CACNG3: variants seen among roughly 807,000 people sequenced by gnomAD.
CACNG3 encodes the protein calcium voltage-gated channel auxiliary subunit gamma 3.
In CACNG3, 3 loss-of-function variants were observed where a neutral mutation model predicts 28.5. That is an observed-to-expected ratio of 0.11 (90% confidence interval 0.05 to 0.27). The LOEUF (loss-of-function observed/expected upper bound fraction) is 0.27. Among genes scored for constraint, CACNG3 ranks in the 10% least tolerant of loss-of-function variants. The probability of loss-of-function intolerance (pLI) is 1.00; values close to 1 mark genes in which losing one functional copy is unlikely to be tolerated. For synonymous variants in CACNG3, 174 were observed against 162.2 expected (o/e 1.07, Z -0.55); for missense variants, 236 against 414.4 (o/e 0.57, Z 3.74).
rs7186838 is a variant in CACNG3 at position 24,321,409 on chromosome 16, C to G, written c.212-25325C>G. ...TGAGCCGAGATCTCACCACTGCACT[C>G]CCGCCTGGGCAATGGAGTGAGACTC... On this transcript the variant is annotated intron_variant, in intron 1 of 3. Coordinates refer to ENST00000005284, the MANE Select transcript of CACNG3 (RefSeq NM_006539.4). Among the ~76,000 whole-genome samples, 691 of 152,160 alleles carry G rather than the reference C, an allele frequency of 4.5e-3. 1 individual carries two copies. The highest frequency in any genetic ancestry group is 0.016 in the African/African-American group (666 of 41,528).
chr16:24,332,910 A>T (rs1454472727), intron 1 of CACNG3, among the ~76,000 whole-genome samples: 1 of 152,186 alleles, frequency 6.6e-6, no homozygotes, highest in East Asian at 1.9e-4. Context: ...ATAGGAGGCA[A>T]AACGTGATGT....
intron 1 of CACNG3, among the ~76,000 whole-genome samples, chr16:24,309,914 G>A (rs1899237754): frequency 6.6e-6 from 1 of 152,224 alleles, no homozygotes; most frequent in Non-Finnish European, 1.5e-5. Flanking sequence ...AAGGTGTCAT[G>A]CTACATCGCG....
At chr16:24,308,839 C>CAAAAAAAAAAAAAAAAAAAAAAAAAA (rs71154298) in intron 1 of CACNG3, among the ~76,000 whole-genome samples, 1 of 27,270 alleles carries the variant, frequency 3.7e-5, no homozygotes, top group East Asian at 1.3e-3. Flanking sequence ...GAACCTACCT[C>CAAAAAAAAAAAAAAAAAAAAAAAAAA]AAAAAAAAAA....
At chr16:24,359,141 GC>G (rs1321958449) in intron 3 of CACNG3, among the ~76,000 whole-genome samples, 1 of 152,078 alleles carries the variant, frequency 6.6e-6, no homozygotes, top group Non-Finnish European at 1.5e-5. Context: ...ATTCCTCATG[GC>G]AGAGGAGAGA....
At chr16:24,301,038 C>T (rs1456955394) in intron 1 of CACNG3, among the ~76,000 whole-genome samples, 1 of 116,306 alleles carries the variant, frequency 8.6e-6, no homozygotes, top group Non-Finnish European at 1.7e-5. Context: ...AGCAAGGCTC[C>T]ATCTCAAAAA....
chr16:24,283,660 T>A (rs1898858222), intron 1 of CACNG3, among the ~76,000 whole-genome samples: 1 of 152,246 alleles, frequency 6.6e-6, no homozygotes, highest in South Asian at 2.1e-4. Context: ...CCACTTTTTT[T>A]TCTTTGACTG....
intron 1 of CACNG3, among the ~76,000 whole-genome samples, chr16:24,270,032 G>T (rs1212685174): frequency 6.6e-6 from 1 of 152,082 alleles, no homozygotes; most frequent in African/African-American, 2.4e-5. Flanking sequence ...ATTCCTTTTG[G>T]CTAAGAGTCT....
chr16:24,330,777 T>C (rs1311398413), intron 1 of CACNG3, among the ~76,000 whole-genome samples: 3 of 152,198 alleles, frequency 2.0e-5, no homozygotes, highest in South Asian at 4.1e-4. Flanking sequence ...GAAGCCTCTG[T>C]GGTCTGGAAA....
At chr16:24,267,429 A>T (rs1383694462) in intron 1 of CACNG3, among the ~76,000 whole-genome samples, 1 of 152,132 alleles carries the variant, frequency 6.6e-6, no homozygotes. Context: ...CTGCGACTAC[A>T]GGCACATGCC....
At chr16:24,321,982 T>C (rs1899466697) in intron 1 of CACNG3, among the ~76,000 whole-genome samples, 1 of 152,198 alleles carries the variant, frequency 6.6e-6, no homozygotes, top group African/African-American at 2.4e-5. Flanking sequence ...GGTCTTGGAA[T>C]GTATCCCGTG....
At chr16:24,356,627 G>A (rs889988434) in intron 3 of CACNG3, among the ~76,000 whole-genome samples, 11 of 152,052 alleles carry the variant, frequency 7.2e-5, no homozygotes, top group African/African-American at 1.5e-4. Context: ...GCTAGAGCCC[G>A]GGAGGTCAAG....
intron 1 of CACNG3, among the ~76,000 whole-genome samples, chr16:24,337,731 C>A (rs1442873014): frequency 6.6e-6 from 1 of 151,886 alleles, no homozygotes; most frequent in African/African-American, 2.4e-5. Flanking sequence ...ATTCCCTCCC[C>A]ATTCCTGCAT....
At chr16:24,257,086 T>C (rs1898468894) in intron 1 of CACNG3, 121 bp downstream of exon 1, 2 of 685,394 alleles carry the variant, frequency 2.9e-6, no homozygotes, top group South Asian at 1.8e-5. Flanking sequence ...GCTGAGAATG[T>C]GCAGGTGCCC....
At chr16:24,314,736 TCCTCCTC>T (rs1899323507) in intron 1 of CACNG3, among the ~76,000 whole-genome samples, 2 of 96,646 alleles carry the variant, frequency 2.1e-5, no homozygotes, top group African/African-American at 8.4e-5. Flanking sequence ...GACTCTCGCC[TCCTCCTC>T]CTCCTCCTCC....
intron 1 of CACNG3, among the ~76,000 whole-genome samples, chr16:24,280,978 T>G (rs192556112): frequency 1.7e-4 from 25 of 150,248 alleles, no homozygotes; most frequent in Admixed American, 1.6e-3. Context: ...GACTTAAGAA[T>G]GGGGAGACAG....
At chr16:24,351,831 CTTTTTTT>C (rs869158970) in intron 2 of CACNG3, among the ~76,000 whole-genome samples, 2 of 85,060 alleles carry the variant, frequency 2.4e-5, no homozygotes, top group Non-Finnish European at 4.2e-5. Flanking sequence ...CTCTCTCTCT[CTTTTTTT>C]TTTTTTTTTT....
chr16:24,311,547 T>C lies in CACNG3; in HGVS notation c.212-35187T>C, dbSNP rs564713842. On this transcript the variant is annotated intron_variant, in intron 1 of 3. Transcript: ENST00000005284. ...GTGCTAAGTACATTCTAAAAGCTTT[T>C]ACAGTATGTGATAAAGAAATTAAAT... Among the ~76,000 whole-genome samples the C allele has an allele frequency of 1.7e-4, 26 of 150,480 alleles. No individual in the cohort carries two copies. The South Asian group carries it at 5.4e-3, about 31-fold the overall frequency.
chr16:24,319,147 T>G (rs1166278461), intron 1 of CACNG3, among the ~76,000 whole-genome samples: 1 of 152,118 alleles, frequency 6.6e-6, no homozygotes, highest in African/African-American at 2.4e-5. Flanking sequence ...ATTTAAAGAG[T>G]GTCAACCTAA....
intron 1 of CACNG3, among the ~76,000 whole-genome samples, chr16:24,298,177 T>C (rs1284403547): frequency 6.6e-6 from 1 of 152,240 alleles, no homozygotes; most frequent in East Asian, 1.9e-4. Flanking sequence ...TTTTCTACTG[T>C]ATGTGATTAG....
Sources: gnomAD v4.1 joint callset for allele counts (sites outside exome capture counted in the v4.1 genomes callset) on GRCh38, gnomAD v4.1.1 for gene constraint, MANE v1.5 for transcripts, NCBI Gene and HGNC (gene_info 2026-07-23, HGNC 2026-07-21) for gene names.